Variants in DOCK10 observed in about 807,000 individuals in gnomAD.
The protein encoded by DOCK10 is dedicator of cytokinesis 10.
A neutral mutation model predicts 280.1 loss-of-function variants in DOCK10; 145 were observed. The ratio of observed to expected loss-of-function variants is 0.52; its 90% CI spans 0.45 to 0.59. The LOEUF is 0.59. DOCK10 is among the 20% of genes least tolerant of loss of function. The probability of loss-of-function intolerance (pLI) is 0.00; values close to 1 mark genes in which losing one functional copy is unlikely to be tolerated. For synonymous variants in DOCK10, 915 were observed against 942.2 expected (o/e 0.97, Z 0.53); for missense variants, 2,368 against 2,651.7 (o/e 0.89, Z 2.35).
At chr2:224,872,008 T>C (rs1263790187) in intron 11 of DOCK10, among the ~76,000 whole-genome samples, 3 of 152,180 alleles carry the variant, frequency 2.0e-5, no homozygotes, top group South Asian at 2.1e-4. Context: ...TGGCTCACAG[T>C]AGACACTTGG....
intron 19 of DOCK10, among the ~76,000 whole-genome samples, chr2:224,846,574 G>A (rs1344859551): frequency 1.4e-5 from 2 of 146,990 alleles, no homozygotes; most frequent in East Asian, 4.0e-4. Flanking sequence ...ATAGCTCACT[G>A]CAACCTCCGC....
At position 224,769,082 on chromosome 2, in the gene DOCK10, A is replaced by G. The variant is rs145783048; in HGVS notation, c.6444+1129T>C. 3.3e-4 allele frequency: 123 copies of G among 377,688 alleles called. 2 individuals are homozygous for G. Among genetic ancestry groups the G allele is most frequent in the African/African-American group, 2.3e-3 (107 of 47,250 alleles). 23.4% of individuals were successfully genotyped at this position (377,688 alleles called of 1,614,324 possible). A position where few individuals can be genotyped will look rare whatever the true frequency, so the allele number is the denominator to read the frequency against. ...CATTTGTTCTTTTTATTTCACTCCC[A>G]GATTTATGATTTTCCCCATTCTATC... On this transcript the variant is annotated intron_variant, in intron 55 of 55. Coordinates refer to ENST00000258390, the MANE Select transcript of DOCK10 (RefSeq NM_014689.3).
At chr2:224,990,124 T>C (rs1348493982) in intron 1 of DOCK10, among the ~76,000 whole-genome samples, 1 of 152,248 alleles carries the variant, frequency 6.6e-6, no homozygotes, top group Non-Finnish European at 1.5e-5. Flanking sequence ...CAAAAGCAGA[T>C]AATTCTTTCG....
At chr2:224,793,552 A>G in intron 45 of DOCK10, 95 bp from the exon 46 acceptor site, 1 of 917,956 alleles carries the variant, frequency 1.1e-6, no homozygotes, top group Non-Finnish European at 1.7e-6. Flanking sequence ...ATATCAGAAT[A>G]TGTTAGAAGG....
chr2:225,008,768 A>G (rs138823438), intron 1 of DOCK10, among the ~76,000 whole-genome samples: 1 of 152,196 alleles, frequency 6.6e-6, no homozygotes, highest in African/African-American at 2.4e-5. Flanking sequence ...AAATGAGAGC[A>G]CAGGTCCACT....
At chr2:224,965,355 G>A (rs1704677429) in intron 1 of DOCK10, among the ~76,000 whole-genome samples, 2 of 151,652 alleles carry the variant, frequency 1.3e-5, no homozygotes, top group Non-Finnish European at 2.9e-5. Context: ...TGCCCAACAA[G>A]TAGGCATTCT....
At chr2:224,870,015 C>T (rs1367403612) in intron 11 of DOCK10, among the ~76,000 whole-genome samples, 1 of 152,158 alleles carries the variant, frequency 6.6e-6, no homozygotes, top group Admixed American at 6.5e-5. Flanking sequence ...TGTCACCACC[C>T]AAATCTCATC....
intron 24 of DOCK10, among the ~76,000 whole-genome samples, chr2:224,839,406 C>T (rs966012930): frequency 3.3e-5 from 5 of 152,038 alleles, no homozygotes; most frequent in South Asian, 2.1e-4. Context: ...CGGGCCCAGC[C>T]GTTCATAGCA....
chr2:224,873,955 G>A (rs1228637942), intron 11 of DOCK10, 41 bp downstream of exon 11: 2 of 1,571,134 alleles, frequency 1.3e-6, no homozygotes, highest in Admixed American at 2.0e-5. Flanking sequence ...GTGGTGTAAT[G>A]TTGGCTTAAT....
At chr2:224,768,441 A>G (rs1274361157) in intron 55 of DOCK10, among the ~76,000 whole-genome samples, 1 of 152,156 alleles carries the variant, frequency 6.6e-6, no homozygotes, top group Non-Finnish European at 1.5e-5. Context: ...TGTGCAATCC[A>G]TCAGTTTCTT....
intron 51 of DOCK10, among the ~76,000 whole-genome samples, chr2:224,777,008 C>T (rs569713937): frequency 2.6e-5 from 4 of 152,266 alleles, no homozygotes; most frequent in Non-Finnish European, 5.9e-5. Context: ...CTTCTTAGCC[C>T]CATGTGAACT....
Position 224,786,927 on chromosome 2 carries a change from A to G in DOCK10, c.5655+95T>C. The G allele has an allele frequency of 1.1e-6, 1 of 907,282 alleles. No homozygotes were observed. Among genetic ancestry groups the G allele is most frequent in the Non-Finnish European group, 1.8e-6 (1 of 544,296 alleles). The allele number at this position is 907,282 out of a possible 1,614,324, so 56.2% of individuals were successfully genotyped here. The stretch of plus-strand genomic sequence containing the variant: ...TAGTCAGACACACCCACACCTCTCC[A>G]TTCACTGGTACACACAGATGTCTCA... On this transcript the variant is annotated intron_variant, in intron 50 of 55. Transcript: ENST00000258390. The surrounding 1 kb of genome is among the most constrained non-coding windows in gnomAD (Gnocchi z 4.7).
chr2:224,839,715 T>C (rs1695831163), intron 24 of DOCK10, among the ~76,000 whole-genome samples: 1 of 152,156 alleles, frequency 6.6e-6, no homozygotes, highest in Admixed American at 6.6e-5. Flanking sequence ...TGCACATGAA[T>C]CTACCGTGAT....
At chr2:224,979,667 G>T (rs537455135) in intron 1 of DOCK10, among the ~76,000 whole-genome samples, 2 of 152,322 alleles carry the variant, frequency 1.3e-5, no homozygotes, top group African/African-American at 4.8e-5. Context: ...AGTGGCATGG[G>T]TCATTCCCTT....
intron 1 of DOCK10, among the ~76,000 whole-genome samples, chr2:225,011,769 A>G (rs1367040625): frequency 6.6e-6 from 1 of 152,284 alleles, no homozygotes; most frequent in African/African-American, 2.4e-5. Context: ...TGCCACAGGC[A>G]TTATAAAATG....
chr2:224,947,549 C>T (rs532178271), intron 1 of DOCK10, among the ~76,000 whole-genome samples: 2 of 152,248 alleles, frequency 1.3e-5, no homozygotes, highest in South Asian at 4.1e-4. Flanking sequence ...AGAAATTATG[C>T]TTGACTATTA....
intron 48 of DOCK10, 66 bp downstream of exon 48, chr2:224,788,998 G>A (rs1691951245): frequency 1.1e-6 from 1 of 950,832 alleles, no homozygotes; most frequent in Non-Finnish European, 1.6e-6. Flanking sequence ...CCCTTATTTA[G>A]CTTAATGTCA....
chr2:224,905,725 T>C (rs1700583902), intron 3 of DOCK10, among the ~76,000 whole-genome samples: 1 of 152,184 alleles, frequency 6.6e-6, no homozygotes, highest in South Asian at 2.1e-4. Flanking sequence ...ATTGATGCAC[T>C]TTCTCTCGCT....
chr2:225,026,756 G>C (rs1477306052), intron 1 of DOCK10, among the ~76,000 whole-genome samples: 1 of 152,100 alleles, frequency 6.6e-6, no homozygotes, highest in African/African-American at 2.4e-5. Flanking sequence ...CACCTAGGGG[G>C]GGTTTTGTGG....
Sources: gnomAD v4.1 joint callset for allele counts (sites outside exome capture counted in the v4.1 genomes callset) on GRCh38, gnomAD v4.1.1 for gene constraint, Gnocchi (gnomAD v3.1) non-coding constraint, MANE v1.5 for transcripts, NCBI Gene and HGNC (gene_info 2026-07-23, HGNC 2026-07-21) for gene names.